The following COQ8B variants were observed in gnomAD, a reference collection of about 807,000 sequenced individuals.
COQ8B encodes the protein atypical kinase COQ8B, mitochondrial.
A neutral mutation model predicts 62.0 loss-of-function variants in COQ8B; 44 were observed. That is an observed-to-expected ratio of 0.71 (90% CI 0.56 to 0.91). The LOEUF (loss-of-function observed/expected upper bound fraction) is 0.91. COQ8B is among the 40% of genes least tolerant of loss of function. The probability of loss-of-function intolerance (pLI) is 0.00; values close to 1 mark genes in which losing one functional copy is unlikely to be tolerated. For missense variants in COQ8B, 649 were observed against 731.6 expected, an observed-to-expected ratio of 0.89 and a Z score of 1.30; for synonymous variants, 252 against 289.9, an observed-to-expected ratio of 0.87 and a Z score of 1.33.
Position 40,692,351 on chromosome 19 carries a change from T to C in COQ8B, c.1319A>G (p.Glu440Gly). ...AGGCTCCCCCAGGATCATCACTGCC[T>C]CCACGTGGGCGTCGGAGAATGCCTG... is the stretch of plus-strand genomic sequence containing the variant. ...ETKAFSDAHV[E>G]AVMILGEPFA... Residue 440 changes from glutamate (E) to glycine (G), a missense_variant, in exon 15 of 15, where the codon GAG (glutamate) becomes GGG (glycine). Coordinates refer to ENST00000324464, the MANE Select transcript of COQ8B (RefSeq NM_024876.4). 1 of 1,613,314 alleles carries C rather than the reference T, an allele frequency of 6.2e-7. No homozygotes were observed. Among genetic ancestry groups the C allele is most frequent in the Non-Finnish European group, 8.5e-7 (1 of 1,179,780 alleles).
intron 12 of COQ8B, among the ~76,000 whole-genome samples, 188 bp from the exon 13 acceptor site, chr19:40,696,242 T>C (rs1396068042): frequency 2.0e-5 from 3 of 152,222 alleles, no homozygotes; most frequent in Non-Finnish European, 4.4e-5. Flanking sequence ...GAAGGCTTTT[T>C]TTTCTTTTAG....
chr19:40,703,341 G>C, intron 9 of COQ8B, 200 bp downstream of exon 9: 2 of 588,932 alleles, frequency 3.4e-6, no homozygotes, highest in Non-Finnish European at 5.9e-6. Context: ...CTAAGGCTCT[G>C]TTAAAATCCA....
At chr19:40,714,770 T>A in intron 1 of COQ8B, 135 bp from the exon 2 acceptor site, 1 of 1,300,968 alleles carries the variant, frequency 7.7e-7, no homozygotes, top group Non-Finnish European at 1.0e-6. Context: ...ATTCCCACAG[T>A]TTCTCCTGGT....
chr19:40,708,535 C>A (rs1284806189), intron 5 of COQ8B, among the ~76,000 whole-genome samples: 5 of 152,128 alleles, frequency 3.3e-5, no homozygotes. Context: ...AGCACCTATC[C>A]CTGGGTCACA....
rs1430742184 is a variant in COQ8B at position 40,714,125 on chromosome 19, G to C, written c.231C>G (p.Asp77Glu). ...PRKTPRPQLS[D>E]RSRERKVPAS... is the part of the protein sequence containing the mutation. ...CAGGCACCTTGCGTTCTCGAGAGCGGTCACTCAGCTGGGAAATGGGGACAA... is the reference window on the plus strand; with the variant it reads ...CAGGCACCTTGCGTTCTCGAGAGCGCTCACTCAGCTGGGAAATGGGGACAA... Residue 77 changes from aspartate to glutamate, a missense_variant, in exon 4 of 15, where the codon GAC (aspartate) becomes GAG (glutamate). Transcript: ENST00000324464. 3 of 1,614,088 alleles carry C rather than the reference G, an allele frequency of 1.9e-6. No homozygotes were observed. The African/African-American group carries it at 4.0e-5, about 22-fold the overall frequency.
intron 7 of COQ8B, chr19:40,704,147 C>A (rs1294801559): frequency 1.5e-5 from 4 of 268,832 alleles, no homozygotes; most frequent in African/African-American, 4.5e-5. Context: ...TCATAACAAT[C>A]CTTTTTTTTT....
Position 40,703,813 on chromosome 19 carries a change from C to T in COQ8B, c.619G>A (p.Val207Met), listed in dbSNP as rs1452584396. 6.2e-7 allele frequency: 1 copy of T among 1,613,250 alleles called. No individual in the cohort carries two copies. The highest frequency in any genetic ancestry group is 8.5e-7 in the Non-Finnish European group (1 of 1,179,524). Reference sequence around the variant, plus strand: ...AAGGGCACCTCCTCCAAGGAGGCCACCTTGGCCTGCCAGTCCCTGCCGAGC... The same window carrying T: ...AAGGGCACCTCCTCCAAGGAGGCCATCTTGGCCTGCCAGTCCCTGCCGAGC... ...EELGRDWQAK[V>M]ASLEEVPFAA... Residue 207 changes from valine (V) to methionine (M), a missense_variant, in exon 8 of 15, where the codon GTG becomes ATG. By Grantham distance (21) the Val-to-Met change is conservative. Transcript: ENST00000324464.
chr19:40,703,896 TCATTCCC>T lies in COQ8B; in HGVS notation c.577-48_577-42del, dbSNP rs1410473047. ...ACAGCCATCATCATTGTGGCAGAGT[TCATTCCC>T]CAGGCTGAGTGCTTTACGTGTTGAT... On this transcript the variant is annotated intron_variant, in intron 7 of 14. Transcript: ENST00000324464. 3.8e-6 allele frequency: 6 copies of T among 1,576,238 alleles called. No individual in the cohort carries two copies. The African/African-American group carries it at 4.0e-5, about 11-fold the overall frequency.
rs1022533742 is a variant in COQ8B, at chr19:40,691,798, C to T, written c.*237G>A. On this transcript the variant is annotated 3_prime_UTR_variant, in exon 15 of 15. Coordinates refer to ENST00000324464, the MANE Select transcript of COQ8B (RefSeq NM_024876.4). The stretch of plus-strand genomic sequence containing the variant: ...CAAATGTTGGCAAAGATAAGTTAAC[C>T]GCTTCCCTGGCTTAGTTTTCGGATA... 7.1e-6 allele frequency: 3 copies of T among 419,876 alleles called. No homozygotes were observed. The highest frequency in any genetic ancestry group is 4.0e-5 in the Admixed American group (1 of 24,886). The allele number at this position is 419,876 out of a possible 1,614,324, so 26.0% of individuals were successfully genotyped here. A position where few individuals can be genotyped will look rare whatever the true frequency, so the allele number is the denominator to read the frequency against.
At chr19:40,707,276 G>GA (rs902582163) in intron 5 of COQ8B, among the ~76,000 whole-genome samples, 64 of 132,130 alleles carry the variant, frequency 4.8e-4, no homozygotes, top group Middle Eastern at 4.0e-3. Flanking sequence ...CTCAAAAAAA[G>GA]AAAAAAAAAA....
At position 40,703,487 on chromosome 19, in the gene COQ8B, T is replaced by C. The variant is rs376990695; in HGVS notation, c.799+54A>G. On this transcript the variant is annotated intron_variant, in intron 9 of 14. Coordinates refer to ENST00000324464, the MANE Select transcript of COQ8B (RefSeq NM_024876.4). ...TCTGGGCTCCCCCTCCTGCTTTCTC[T>C]CTCTGGGCATAGCCCCTTTGGGAGG... 56 of 1,517,706 alleles carry C rather than the reference T, an allele frequency of 3.7e-5. 1 individual carries two copies. In the African/African-American group the frequency reaches 7.2e-4, roughly 20 times the overall value. The allele number at this position is 1,517,706 out of a possible 1,614,324, so 94.0% of individuals were successfully genotyped here. A position where few individuals can be genotyped will look rare whatever the true frequency, so the allele number is the denominator to read the frequency against.
At chr19:40,713,271 G>A (rs571935496) in intron 4 of COQ8B, among the ~76,000 whole-genome samples, 2 of 152,276 alleles carry the variant, frequency 1.3e-5, no homozygotes, top group South Asian at 4.1e-4. Context: ...TGGGAAGGCT[G>A]AGGCAGGCGG....
At chr19:40,694,339 G>A (rs1020710581) in intron 13 of COQ8B, among the ~76,000 whole-genome samples, 1 of 152,216 alleles carries the variant, frequency 6.6e-6, no homozygotes, top group African/African-American at 2.4e-5. Context: ...TTCAGAGGGA[G>A]TTTTCAAATT....
chr19:40,694,843 G>C (rs2082001662), intron 13 of COQ8B, among the ~76,000 whole-genome samples: 2 of 152,146 alleles, frequency 1.3e-5, no homozygotes, highest in African/African-American at 2.4e-5. Context: ...GGCTGGCTCA[G>C]GCTCCTCCTC....
At chr19:40,710,202 CTTTCTCAGTT>C (rs2082130239) in intron 4 of COQ8B, 66 bp from the exon 5 acceptor site, 1 of 1,433,210 alleles carries the variant, frequency 7.0e-7, no homozygotes, top group African/African-American at 1.4e-5. Flanking sequence ...ACCCACTCTC[CTTTCTCAGTT>C]TTTCTCCAAG....
Position 40,702,710 on chromosome 19 carries a change from T to C in COQ8B, c.800-17A>G. 1 of 1,604,696 alleles carries C rather than the reference T, an allele frequency of 6.2e-7. No homozygotes were observed. The highest frequency in any genetic ancestry group is 8.5e-7 in the Non-Finnish European group (1 of 1,179,712). ...CAAACAGGCCTGTGGGGGAGGTGTG[T>C]CAGCCAGGGAAGGGCCCCGAGCGCC... On this transcript the variant is annotated splice_polypyrimidine_tract_variant and intron_variant, in intron 9 of 14. Coordinates refer to ENST00000324464, the MANE Select transcript of COQ8B (RefSeq NM_024876.4).
At chr19:40,705,497 G>A (rs781195285) in intron 5 of COQ8B, 50 bp from the exon 6 acceptor site, 15 of 1,493,816 alleles carry the variant, frequency 1.0e-5, no homozygotes, top group East Asian at 2.4e-5. Context: ...TCATCACTGC[G>A]GCCAGGCCCG....
intron 4 of COQ8B, among the ~76,000 whole-genome samples, chr19:40,713,090 G>A (rs966565850): frequency 6.6e-6 from 1 of 152,202 alleles, no homozygotes; most frequent in African/African-American, 2.4e-5. Context: ...CCCGGGCACC[G>A]TGGCTCACAT....
At chr19:40,692,496 T>A (rs889432095) in intron 14 of COQ8B, 123 bp from the exon 15 acceptor site, 16 of 848,364 alleles carry the variant, frequency 1.9e-5, no homozygotes, top group Middle Eastern at 2.4e-4. Flanking sequence ...AAGCCCCGAC[T>A]CCCCCAAGAG....
Sources: allele counts gnomAD v4.1 joint callset (sites outside exome capture counted in the v4.1 genomes callset), GRCh38; gene constraint gnomAD v4.1.1; transcripts MANE v1.5; gene names NCBI Gene and HGNC (gene_info 2026-07-23, HGNC 2026-07-21).